Variants in PCDHGB5 observed in about 807,000 individuals in gnomAD.
The protein encoded by PCDHGB5 is protocadherin gamma subfamily B, 5.
Under a neutral mutation model 62.9 loss-of-function variants are expected in PCDHGB5, and 48 were observed. The ratio of observed to expected loss-of-function variants is 0.76; its 90% CI spans 0.61 to 0.97. The LOEUF is 0.97. PCDHGB5 is among the 50% of genes least tolerant of loss of function. The probability of loss-of-function intolerance (pLI) is 0.00; values close to 1 mark genes in which losing one functional copy is unlikely to be tolerated. For synonymous variants in PCDHGB5, 474 were observed against 511.2 expected, an observed-to-expected ratio of 0.93 and a Z score of 0.98; for missense variants, 1,118 against 1,198.6, an observed-to-expected ratio of 0.93 and a Z score of 0.99.
At chr5:141,419,756 G>A in intron 1 of PCDHGB5, 7 of 1,614,008 alleles carry the variant, frequency 4.3e-6, no homozygotes, top group East Asian at 2.2e-5. Flanking sequence ...GCGTGCTTTG[G>A]GTGACAAGGA....
intron 1 of PCDHGB5, among the ~76,000 whole-genome samples, chr5:141,437,886 C>A (rs763669578): frequency 6.6e-6 from 1 of 152,022 alleles, no homozygotes; most frequent in Non-Finnish European, 1.5e-5. Flanking sequence ...TACAGGCACA[C>A]GCCACCACAC....
At chr5:141,483,937 C>T (rs964918788) in intron 1 of PCDHGB5, among the ~76,000 whole-genome samples, 1 of 130,444 alleles carries the variant, frequency 7.7e-6, no homozygotes, top group African/African-American at 2.9e-5. Flanking sequence ...TAGGTACCTA[C>T]GGTGTGAATT....
Position 141,512,106 on chromosome 5 carries a change from T to A in PCDHGB5, c.*933T>A, listed in dbSNP as rs2099884076. 6.6e-6 allele frequency: 1 copy of A among 152,630 alleles called. No homozygotes were observed. Among genetic ancestry groups the A allele is most frequent in the Non-Finnish European group, 1.5e-5 (1 of 68,060 alleles). 9.5% of individuals were successfully genotyped at this position (152,630 alleles called of 1,614,324 possible). On this transcript the variant is annotated 3_prime_UTR_variant, in exon 4 of 4. Transcript: ENST00000617380. ...TAAACCAATAACTAGGCTGGACCCT[T>A]CCCACTACATAATAGGGCTCAGCCC...
Position 141,432,224 on chromosome 5 carries a change from T to C in PCDHGB5, c.2397+31700T>C. On this transcript the variant is annotated intron_variant, in intron 1 of 3. Transcript: ENST00000617380. The surrounding 1 kb of genome is among the most constrained non-coding windows in gnomAD (Gnocchi z 6.0). The stretch of plus-strand genomic sequence containing the variant: ...CTGTGAAGAGAACGCCCAGATCACT[T>C]ATTCCCTGGCTGAGAACACCATCCA... 6.2e-7 allele frequency: 1 copy of C among 1,614,138 alleles called. No homozygotes were observed. Among genetic ancestry groups the C allele is most frequent in the Non-Finnish European group, 8.5e-7 (1 of 1,180,024 alleles).
intron 1 of PCDHGB5, chr5:141,417,045 A>G (rs890407837): frequency 7.2e-5 from 11 of 152,144 alleles, no homozygotes; most frequent in Admixed American, 1.3e-4. Context: ...TTTTAAAAAA[A>G]ACTGCTCTTG....
At position 141,477,706 on chromosome 5, in the gene PCDHGB5, G is replaced by A. The variant is rs1490514142; in HGVS notation, c.2398-17101G>A. 6 of 1,613,988 alleles carry A rather than the reference G, an allele frequency of 3.7e-6. No homozygotes were observed. Among genetic ancestry groups the A allele is most frequent in the Non-Finnish European group, 5.1e-6 (6 of 1,180,044 alleles). ...TAGTGCCCCTAGACTATGAGGATCGGCGGGAATTTGAATTAACAGCTCATA... is the reference window on the plus strand; with the variant it reads ...TAGTGCCCCTAGACTATGAGGATCGACGGGAATTTGAATTAACAGCTCATA... On this transcript the variant is annotated intron_variant, in intron 1 of 3. Transcript: ENST00000617380. This position sits in a 1 kb window ranked among gnomAD's most constrained non-coding sequence, Gnocchi z 4.9.
intron 1 of PCDHGB5, chr5:141,427,194 T>G (rs759512205): frequency 6.6e-6 from 3 of 456,512 alleles, no homozygotes; most frequent in Non-Finnish European, 1.3e-5. Context: ...ATCCAAAGAC[T>G]TAATAGACTT....
intron 1 of PCDHGB5, chr5:141,430,688 A>G: frequency 1.4e-6 from 2 of 1,402,360 alleles, no homozygotes; most frequent in Non-Finnish European, 1.9e-6. Context: ...GTCCCATTCT[A>G]TGGGCGAAGG....
chr5:141,404,047 A>G, intron 1 of PCDHGB5: 1 of 1,613,860 alleles, frequency 6.2e-7, no homozygotes, highest in Non-Finnish European at 8.5e-7. Context: ...AGGGAACAGT[A>G]ATTCTTCTTT....
chr5:141,471,404 TTA>T (rs1320685792), intron 1 of PCDHGB5: 3 of 152,170 alleles, frequency 2.0e-5, no homozygotes, highest in Non-Finnish European at 4.4e-5. Flanking sequence ...GTAGCTAGGC[TTA>T]GTTATGTTTT....
chr5:141,404,974 C>A, intron 1 of PCDHGB5: 1 of 1,614,022 alleles, frequency 6.2e-7, no homozygotes, highest in South Asian at 1.1e-5. Flanking sequence ...TCCTGGCTGA[C>A]CTGGGCAGTC....
At chr5:141,470,872 TTTTTTGTTTTTG>T (rs900302332) in intron 1 of PCDHGB5, among the ~76,000 whole-genome samples, 1 of 151,814 alleles carries the variant, frequency 6.6e-6, no homozygotes, top group Non-Finnish European at 1.5e-5. Context: ...GTTTGTTTGT[TTTTTTGTTTTTG>T]TTTTTGTTTT....
chr5:141,408,404 G>C lies in PCDHGB5; in HGVS notation c.2397+7880G>C, dbSNP rs372659902. ...GGATGTGTCGGCTCGCAAGCTGCGAGTGAGCGCGGAGAAGCTGCACTTCAG... is the reference window on the plus strand; with the variant it reads ...GGATGTGTCGGCTCGCAAGCTGCGACTGAGCGCGGAGAAGCTGCACTTCAG... On this transcript the variant is annotated intron_variant, in intron 1 of 3. Transcript: ENST00000617380. 6.2e-4 allele frequency: 1,002 copies of C among 1,614,072 alleles called. 1 individual carries two copies. The highest frequency in any genetic ancestry group is 8.3e-4 in the Non-Finnish European group (980 of 1,179,896).
At chr5:141,479,063 A>G (rs1476826751) in intron 1 of PCDHGB5, among the ~76,000 whole-genome samples, 1 of 152,204 alleles carries the variant, frequency 6.6e-6, no homozygotes, top group African/African-American at 2.4e-5. Context: ...ATAATTTTTT[A>G]TGAATGAAAT....
chr5:141,415,648 A>G (rs1403877896), intron 1 of PCDHGB5: 1 of 1,598,772 alleles, frequency 6.3e-7, no homozygotes, highest in African/African-American at 1.4e-5. Flanking sequence ...TGTTAAAAAA[A>G]AAAAGATTGG....
chr5:141,489,066 C>G lies in PCDHGB5; in HGVS notation c.2398-5741C>G. The stretch of plus-strand genomic sequence containing the variant: ...CACTCAAATTCAGCTCCCCTCCCCC[C>G]TGCCCACCCCCGCCACTCGGTGACT... On this transcript the variant is annotated intron_variant, in intron 1 of 3. Transcript: ENST00000617380. This position sits in a 1 kb window ranked among gnomAD's most constrained non-coding sequence, Gnocchi z 4.5. 1 of 391,132 alleles carries G rather than the reference C, an allele frequency of 2.6e-6. No individual in the cohort carries two copies. Among genetic ancestry groups the G allele is most frequent in the South Asian group, 4.2e-5 (1 of 24,028 alleles). 24.2% of individuals were successfully genotyped at this position (391,132 alleles called of 1,614,324 possible).
chr5:141,409,809 A>T (rs754765049), intron 1 of PCDHGB5: 62 of 1,611,424 alleles, frequency 3.8e-5, no homozygotes, highest in Non-Finnish European at 7.6e-6. Context: ...CAGGCCCGCG[A>T]CCACGGCTCG....
chr5:141,401,730 T>C (rs1448734124), intron 1 of PCDHGB5, among the ~76,000 whole-genome samples: 4 of 152,204 alleles, frequency 2.6e-5, no homozygotes, highest in African/African-American at 4.8e-5. Context: ...ACTACTAGTC[T>C]TGTGTACATA....
intron 1 of PCDHGB5, among the ~76,000 whole-genome samples, chr5:141,469,170 G>A (rs2099192781): frequency 6.6e-6 from 1 of 152,042 alleles, no homozygotes; most frequent in South Asian, 2.1e-4. Context: ...CAGCTACTTG[G>A]GAGGCTGAGG....
Sources: gnomAD v4.1 joint callset for allele counts (sites outside exome capture counted in the v4.1 genomes callset) on GRCh38, gnomAD v4.1.1 for gene constraint, Gnocchi (gnomAD v3.1) non-coding constraint, MANE v1.5 for transcripts, NCBI Gene and HGNC (gene_info 2026-07-23, HGNC 2026-07-21) for gene names.